Variants in FRMPD3 observed in about 807,000 individuals in gnomAD.
The protein encoded by FRMPD3 is FERM and PDZ domain-containing protein 3.
In FRMPD3, 42 loss-of-function variants were observed where a neutral mutation model predicts 97.9. That is an observed-to-expected ratio of 0.43 (90% CI 0.34 to 0.55). FRMPD3 has a LOEUF of 0.55. FRMPD3 is among the 20% of genes least tolerant of loss of function. The probability of loss-of-function intolerance (pLI) is 0.03; values close to 1 mark genes in which losing one functional copy is unlikely to be tolerated. For missense variants in FRMPD3, 1,303 were observed against 1,457.7 expected (o/e 0.89, Z 1.73); for synonymous variants, 577 against 581.1 (o/e 0.99, Z 0.10).
chrX:107,514,942 A>G (rs916236160), intron 1 of FRMPD3, among the ~76,000 whole-genome samples: 2 of 111,730 alleles, frequency 1.8e-5, no homozygotes, highest in Non-Finnish European at 3.8e-5. Context: ...TTCTGGCTTA[A>G]GTAATTAAAG....
intron 12 of FRMPD3, among the ~76,000 whole-genome samples, chrX:107,569,167 C>T (rs1048761834): frequency 2.7e-5 from 3 of 110,121 alleles, no homozygotes; most frequent in African/African-American, 9.9e-5. Context: ...TCGTGGCGCA[C>T]ACCTGTAATC....
At chrX:107,570,110 G>A (rs11798953) in intron 12 of FRMPD3, among the ~76,000 whole-genome samples, 1 of 87,958 alleles carries the variant, frequency 1.1e-5, no homozygotes, top group African/African-American at 5.0e-5. Flanking sequence ...AAGAGAGAGA[G>A]AAAAAGAGAG....
At chrX:107,512,061 A>G (rs761258701) in intron 1 of FRMPD3, among the ~76,000 whole-genome samples, 46 of 108,094 alleles carry the variant, frequency 4.3e-4, no homozygotes, top group African/African-American at 1.4e-3. Flanking sequence ...ACACACGCGC[A>G]CACACACACA....
chrX:107,533,618 A>G, intron 4 of FRMPD3, 68 bp downstream of exon 4: 1 of 1,022,233 alleles, frequency 9.8e-7, no homozygotes, highest in Non-Finnish European at 1.4e-6. Context: ...CATATTGGAA[A>G]GCAACAGTGA....
intron 1 of FRMPD3, among the ~76,000 whole-genome samples, chrX:107,508,064 C>T (rs956143442): frequency 1.8e-5 from 2 of 112,031 alleles, no homozygotes; most frequent in South Asian, 7.5e-4. Context: ...CCCCATTTTA[C>T]GGATGAGGAA....
At chrX:107,583,586 T>A (rs764204217) in intron 13 of FRMPD3, among the ~76,000 whole-genome samples, 12 of 112,142 alleles carry the variant, frequency 1.1e-4, no homozygotes. Context: ...TGATTTATAT[T>A]CCTTTGGGTA....
At chrX:107,538,938 C>T (rs1484119022) in intron 4 of FRMPD3, among the ~76,000 whole-genome samples, 3 of 112,478 alleles carry the variant, frequency 2.7e-5, no homozygotes, top group African/African-American at 6.5e-5. Context: ...GGATTACAGG[C>T]GTGAGCCACC....
chrX:107,488,768 A>AAAACAAAC (rs779925980), intron 1 of FRMPD3, among the ~76,000 whole-genome samples: 1 of 111,068 alleles, frequency 9.0e-6, no homozygotes, highest in South Asian at 3.9e-4. Context: ...GAGGGGCAAA[A>AAAACAAAC]AAACAAACAA....
At chrX:107,474,393 G>A (rs1921145999) in intron 1 of FRMPD3, among the ~76,000 whole-genome samples, 1 of 111,206 alleles carries the variant, frequency 9.0e-6, no homozygotes, top group Non-Finnish European at 1.9e-5. Flanking sequence ...CCTGAGAGGT[G>A]GAAGGAGAAT....
rs1204660012 is a variant in FRMPD3 at position 107,582,186 on chromosome X, C to CT, written c.1441+5741dup. 2.7e-3 allele frequency among the ~76,000 whole-genome samples: 279 copies of CT among 102,702 alleles called. 1 individual carries two copies. The highest frequency in any genetic ancestry group is 5.9e-3 in the South Asian group (14 of 2,378). The allele number at this position is 102,702 out of a possible 115,157, so 89.2% of individuals were successfully genotyped here. On this transcript the variant is annotated intron_variant, in intron 13 of 14. Transcript: ENST00000683843. ...TTCACCAACACTTGTTACTGTCCATCTTTTTTTTTTTTTTGGAGACAGAGT... is the reference window on the plus strand; with the variant it reads ...TTCACCAACACTTGTTACTGTCCATCTTTTTTTTTTTTTTTGGAGACAGAGT...
chrX:107,453,053 C>T (rs956240484), intron 1 of FRMPD3, among the ~76,000 whole-genome samples: 1 of 110,859 alleles, frequency 9.0e-6, no homozygotes. Flanking sequence ...CCCACCCTCC[C>T]CCACTACGCA....
At chrX:107,570,871 T>A (rs1385277094) in intron 12 of FRMPD3, among the ~76,000 whole-genome samples, 1 of 111,820 alleles carries the variant, frequency 8.9e-6, no homozygotes, top group Non-Finnish European at 1.9e-5. Flanking sequence ...GGGAAGGAGA[T>A]GTAGCTGAAG....
intron 13 of FRMPD3, among the ~76,000 whole-genome samples, chrX:107,593,528 G>A (rs1471634017): frequency 9.0e-6 from 1 of 111,619 alleles, no homozygotes; most frequent in Non-Finnish European, 1.9e-5. Flanking sequence ...ATGGTTTCAG[G>A]TCTTAGATTT....
At chrX:107,574,614 C>T (rs772892271) in intron 12 of FRMPD3, among the ~76,000 whole-genome samples, 1 of 112,593 alleles carries the variant, frequency 8.9e-6, no homozygotes, top group South Asian at 3.7e-4. Context: ...ACCACTGCAA[C>T]TTTAGCTAAC....
intron 1 of FRMPD3, among the ~76,000 whole-genome samples, chrX:107,519,309 A>G (rs1396594837): frequency 9.0e-6 from 1 of 111,515 alleles, no homozygotes; most frequent in Non-Finnish European, 1.9e-5. Flanking sequence ...CAGCCTAGGC[A>G]ATATGGCAAA....
intron 13 of FRMPD3, among the ~76,000 whole-genome samples, chrX:107,595,162 C>T (rs1443991098): frequency 1.8e-5 from 2 of 108,792 alleles, no homozygotes; most frequent in Non-Finnish European, 1.9e-5. Flanking sequence ...ACCAAAAATA[C>T]AAAAATTAGC....
chrX:107,582,385 C>A (rs1433048524), intron 13 of FRMPD3, among the ~76,000 whole-genome samples: 1 of 111,461 alleles, frequency 9.0e-6, no homozygotes, highest in African/African-American at 3.3e-5. Context: ...GGGGTTTTAC[C>A]ATGTTGGCCT....
chrX:107,458,071 C>T (rs752972801), intron 1 of FRMPD3, among the ~76,000 whole-genome samples: 2 of 111,700 alleles, frequency 1.8e-5, no homozygotes, highest in South Asian at 3.8e-4. Context: ...ACTCGGCAGC[C>T]TCAGCTCCTC....
At chrX:107,496,470 C>T (rs1921776958) in intron 1 of FRMPD3, among the ~76,000 whole-genome samples, 1 of 112,007 alleles carries the variant, frequency 8.9e-6, no homozygotes, top group Non-Finnish European at 1.9e-5. Context: ...CATGGGAGGC[C>T]TTCTAACACT....
Sources: allele counts gnomAD v4.1 joint callset (sites outside exome capture counted in the v4.1 genomes callset), GRCh38; gene constraint gnomAD v4.1.1; transcripts MANE v1.5; gene names NCBI Gene and HGNC (gene_info 2026-07-23, HGNC 2026-07-21).